The following TMEM87A variants were observed in gnomAD, a reference collection of about 807,000 sequenced individuals.
TMEM87A encodes transmembrane protein 87A.
Under a neutral mutation model 90.0 loss-of-function variants are expected in TMEM87A, and 50 were observed. The observed-to-expected ratio is 0.56, with a 90% CI of 0.44 to 0.70. The LOEUF is 0.70. Among genes scored for constraint, TMEM87A ranks in the 30% least tolerant of loss-of-function variants. The probability of loss-of-function intolerance (pLI) is 0.00; values close to 1 mark genes in which losing one functional copy is unlikely to be tolerated. For synonymous variants in TMEM87A, 226 were observed against 226.7 expected (o/e 1.00, Z 0.03); for missense variants, 577 against 660.5 (o/e 0.87, Z 1.39).
chr15:42,242,894 C>A (rs543226279), intron 7 of TMEM87A, among the ~76,000 whole-genome samples: 53 of 151,794 alleles, frequency 3.5e-4, no homozygotes, highest in African/African-American at 1.2e-3. Flanking sequence ...TGAAATATAC[C>A]AATACAGCCA....
intron 15 of TMEM87A, among the ~76,000 whole-genome samples, chr15:42,222,773 T>C (rs2050516850): frequency 6.6e-6 from 1 of 151,878 alleles, no homozygotes; most frequent in Non-Finnish European, 1.5e-5. Context: ...TTGGTCCGGC[T>C]GGTCTCGAAC....
Position 42,272,125 on chromosome 15 carries a change from T to C in TMEM87A, c.145-2A>G, listed in dbSNP as rs1432992630. ...TCCAAAACTAAAATAATTTTTCCCC[T>C]GCAAACATAAAGGAAAGATAATTAG... On this transcript the variant is annotated splice_acceptor_variant, in intron 1 of 19. Transcript: ENST00000389834. LOFTEE classifies it high-confidence loss of function. 6.2e-7 allele frequency: 1 copy of C among 1,604,960 alleles called. No homozygotes were observed. The highest frequency in any genetic ancestry group is 8.5e-7 in the Non-Finnish European group (1 of 1,175,140).
At chr15:42,267,834 T>C (rs1483605773) in intron 3 of TMEM87A, 113 bp downstream of exon 3, 3 of 756,144 alleles carry the variant, frequency 4.0e-6, no homozygotes, top group Non-Finnish European at 6.0e-6. Flanking sequence ...TGCATTCTAG[T>C]TTCAGCTCTC....
At chr15:42,243,223 A>C (rs2050905037) in intron 7 of TMEM87A, among the ~76,000 whole-genome samples, 1 of 151,752 alleles carries the variant, frequency 6.6e-6, no homozygotes, top group East Asian at 1.9e-4. Context: ...AGCCGAGATT[A>C]CGCCACTGCA....
chr15:42,235,877 T>C (rs2050760214), intron 10 of TMEM87A, among the ~76,000 whole-genome samples: 1 of 152,218 alleles, frequency 6.6e-6, no homozygotes, highest in African/African-American at 2.4e-5. Flanking sequence ...TTACTTGCCA[T>C]ATCCCCAGGG....
chr15:42,240,775 A>G (rs1043753529), intron 7 of TMEM87A, among the ~76,000 whole-genome samples: 1 of 152,224 alleles, frequency 6.6e-6, no homozygotes, highest in Non-Finnish European at 1.5e-5. Flanking sequence ...ATATACCATT[A>G]TTTAAAGTAA....
chr15:42,230,198 C>G (rs928800129), intron 12 of TMEM87A, among the ~76,000 whole-genome samples: 26 of 152,328 alleles, frequency 1.7e-4, no homozygotes, highest in African/African-American at 6.3e-4. Flanking sequence ...AGAGCCGTAG[C>G]TGTTACCTAG....
chr15:42,271,849 G>T (rs948560522), intron 2 of TMEM87A, among the ~76,000 whole-genome samples: 1 of 151,098 alleles, frequency 6.6e-6, no homozygotes, highest in South Asian at 2.1e-4. Flanking sequence ...GTGTATATAT[G>T]CAATGTAAAC....
At chr15:42,259,111 A>C in intron 6 of TMEM87A, 5 of 650,552 alleles carry the variant, frequency 7.7e-6, no homozygotes, top group Non-Finnish European at 1.4e-5. Context: ...ACAGCTTAGC[A>C]GCCACTAGGC....
chr15:42,218,495 G>A, intron 17 of TMEM87A, 117 bp from the exon 18 acceptor site: 1 of 889,112 alleles, frequency 1.1e-6, no homozygotes, highest in Non-Finnish European at 1.7e-6. Context: ...ATTCACAAAT[G>A]GGACTGCTGA....
At chr15:42,273,441 T>C (rs1336180155), upstream of TMEM87A, 6 of 1,609,670 alleles carry the variant, frequency 3.7e-6, no homozygotes, top group Non-Finnish European at 5.1e-6. Flanking sequence ...TTCACCCTCT[T>C]CCGGTTCGTC....
Position 42,260,990 on chromosome 15 carries a change from C to A in TMEM87A, c.472G>T (p.Gly158Ter), listed in dbSNP as rs2051278160. The change falls in exon 6 of 20, where the codon GGA becomes TGA. Residue 158 changes from glycine (G) to a stop codon, truncating the protein, a stop_gained. Coordinates refer to ENST00000389834, the MANE Select transcript of TMEM87A (RefSeq NM_015497.5). LOFTEE classifies it high-confidence loss of function. Reference sequence around the variant, plus strand: ...TCTCCAATAAAGGTAAGGTTTGTTCCATTCTCCTTAGCCTTTAAACATTAA... The same window carrying A: ...TCTCCAATAAAGGTAAGGTTTGTTCAATTCTCCTTAGCCTTTAAACATTAA... ...LGEKQEAKEN[G>*]TNLTFIGDKT... The A allele has an allele frequency of 6.2e-7, 1 of 1,602,336 alleles. No individual in the cohort carries two copies. The highest frequency in any genetic ancestry group is 1.7e-5 in the Admixed American group (1 of 57,858).
Position 42,226,957 on chromosome 15 carries a change from C to T in TMEM87A, c.1300-48G>A, listed in dbSNP as rs1028113884. ...AACATTTATACACATTATCTTAACC[C>T]CTTGTTCATAAAGCCTTTGGCATAG... On this transcript the variant is annotated intron_variant, in intron 14 of 19. Transcript: ENST00000389834. 4.5e-6 allele frequency: 7 copies of T among 1,552,370 alleles called. No individual in the cohort carries two copies. The African/African-American group carries it at 8.2e-5, about 18-fold the overall frequency.
chr15:42,240,700 G>C (rs2050852413), intron 7 of TMEM87A, among the ~76,000 whole-genome samples: 1 of 152,100 alleles, frequency 6.6e-6, no homozygotes, highest in South Asian at 2.1e-4. Context: ...AATCTGACTT[G>C]AGTGGTGATC....
chr15:42,260,024 T>C (rs2051258495), intron 6 of TMEM87A, among the ~76,000 whole-genome samples: 1 of 151,952 alleles, frequency 6.6e-6, no homozygotes, highest in African/African-American at 2.4e-5. Flanking sequence ...CGATTGGTGC[T>C]TGCACAACTT....
At chr15:42,266,023 G>C (rs2051396272) in intron 3 of TMEM87A, among the ~76,000 whole-genome samples, 1 of 152,156 alleles carries the variant, frequency 6.6e-6, no homozygotes, top group Admixed American at 6.5e-5. Flanking sequence ...GATGGTTGTA[G>C]GTGTGCGGCC....
intron 6 of TMEM87A, among the ~76,000 whole-genome samples, chr15:42,255,668 T>C (rs2051164021): frequency 6.6e-6 from 1 of 152,160 alleles, no homozygotes; most frequent in Non-Finnish European, 1.5e-5. Flanking sequence ...ATTGCTTAAA[T>C]CCAAAAAACT....
rs1406031622 is a variant in TMEM87A at position 42,267,972 on chromosome 15, C to A, written c.266G>T (p.Cys89Phe). Residue 89 changes from cysteine (C) to phenylalanine (F), a missense_variant, in exon 3 of 20, where the codon TGT becomes TTT. Physicochemically the swap from Cys to Phe is radical, Grantham distance 205. Coordinates refer to ENST00000389834, the MANE Select transcript of TMEM87A (RefSeq NM_015497.5). ...NITWYLKSAD[C>F]YNEIYNFKAE... is the part of the protein sequence containing the mutation. Reference sequence around the variant, plus strand: ...CTTGAAGTTATAGATTTCATTGTAACAATCAGCGCTTTTCAGATACCAGGT... The same window carrying A: ...CTTGAAGTTATAGATTTCATTGTAAAAATCAGCGCTTTTCAGATACCAGGT... 2 of 1,613,138 alleles carry A rather than the reference C, an allele frequency of 1.2e-6. No homozygotes were observed. The highest frequency in any genetic ancestry group is 1.7e-6 in the Non-Finnish European group (2 of 1,179,578).
chr15:42,245,629 A>G (rs1595731206), intron 6 of TMEM87A, among the ~76,000 whole-genome samples: 1 of 151,326 alleles, frequency 6.6e-6, no homozygotes, highest in East Asian at 1.9e-4. Context: ...GGTTCAAGCA[A>G]TTCTCCTGCC....
Sources: allele counts gnomAD v4.1 joint callset (sites outside exome capture counted in the v4.1 genomes callset), GRCh38; gene constraint gnomAD v4.1.1; transcripts MANE v1.5; gene names NCBI Gene and HGNC (gene_info 2026-07-23, HGNC 2026-07-21).